FBF1: variants seen among roughly 807,000 people sequenced by gnomAD.
FBF1 encodes the protein Fas binding factor 1.
FBF1 carries 119 observed loss-of-function variants against 147.2 expected under a neutral mutation model. That is an observed-to-expected ratio of 0.81 (90% CI 0.70 to 0.94). The LOEUF (loss-of-function observed/expected upper bound fraction) is 0.94. FBF1 is among the 40% of genes least tolerant of loss of function. The pLI is 0.00. For synonymous variants in FBF1, 601 were observed against 609.0 expected (o/e 0.99, Z 0.19); for missense variants, 1,449 against 1,500.8 (o/e 0.97, Z 0.57).
intron 4 of FBF1, among the ~76,000 whole-genome samples, chr17:75,933,487 G>A (rs140457291): frequency 4.6e-5 from 7 of 152,244 alleles, no homozygotes; most frequent in Non-Finnish European, 8.8e-5. Context: ...CAGGAGAATC[G>A]CTTGAACCGG....
At chr17:75,916,895 G>C (rs1455480876) in intron 23 of FBF1, among the ~76,000 whole-genome samples, 1 of 152,226 alleles carries the variant, frequency 6.6e-6, no homozygotes, top group Non-Finnish European at 1.5e-5. Flanking sequence ...CTGTTAACCA[G>C]ACTGGTGTGC....
chr17:75,912,420 T>C (rs921936263), intron 28 of FBF1, 113 bp from the exon 29 acceptor site: 4 of 719,434 alleles, frequency 5.6e-6, no homozygotes, highest in African/African-American at 1.8e-5. Context: ...CCTGGCCATA[T>C]ACTCAGGGTG....
In FBF1 at chr17:75,926,404, A is replaced by T. The variant is rs758535596; in HGVS notation, c.618T>A (p.Pro206=). Residue 206 remains proline (P), a synonymous_variant, in exon 11 of 30, where the codon CCT becomes CCA. Transcript: ENST00000636174. The part of the protein sequence containing the change: ...RDQGPSIPLT[P]GDTPIRKKEE... Reference sequence around the variant, plus strand: ...CTTTTTTTCGGATGGGGGTGTCCCCAGGAGTTAGAGGAATAGAGGGACCTG... The same window carrying T: ...CTTTTTTTCGGATGGGGGTGTCCCCTGGAGTTAGAGGAATAGAGGGACCTG... 1.3e-6 allele frequency: 2 copies of T among 1,587,590 alleles called. No homozygotes were observed. Among genetic ancestry groups the T allele is most frequent in the Non-Finnish European group, 1.7e-6 (2 of 1,167,562 alleles).
At chr17:75,934,962 G>A (rs1314555469) in intron 4 of FBF1, among the ~76,000 whole-genome samples, 15 of 151,772 alleles carry the variant, frequency 9.9e-5, no homozygotes, top group Admixed American at 9.9e-4. Flanking sequence ...CATAGAGACA[G>A]AGAGTAAATA....
At position 75,914,268 on chromosome 17, in the gene FBF1, C is replaced by T. The variant is rs775810816; in HGVS notation, c.2845G>A (p.Glu949Lys). The T allele has an allele frequency of 1.6e-5, 26 of 1,592,416 alleles. No homozygotes were observed. Among genetic ancestry groups the T allele is most frequent in the Non-Finnish European group, 2.0e-5 (24 of 1,173,350 alleles). ...EQAELKIRAS[E>K]LRAEEKQLAA... ...AGCTGCTTCTCCTCGGCCCGGAGCTCGCTGGCCCTGATCTTCAGCTCAGCC... is the reference window on the plus strand; with the variant it reads ...AGCTGCTTCTCCTCGGCCCGGAGCTTGCTGGCCCTGATCTTCAGCTCAGCC... Residue 949 changes from glutamate (E) to lysine (K), a missense_variant, in exon 26 of 30, where the codon GAG becomes AAG. By Grantham distance (56) the Glu-to-Lys change is moderately conservative. Coordinates refer to ENST00000636174, the MANE Select transcript of FBF1 (RefSeq NM_001319193.2).
chr17:75,924,605 G>A (rs2065549097), intron 13 of FBF1, among the ~76,000 whole-genome samples: 1 of 152,118 alleles, frequency 6.6e-6, no homozygotes, highest in Non-Finnish European at 1.5e-5. Flanking sequence ...AGCCTCCCGA[G>A]TAGCTGGAAT....
chr17:75,921,342 G>T, intron 16 of FBF1, 40 bp from the exon 17 acceptor site: 1 of 1,560,940 alleles, frequency 6.4e-7, no homozygotes, highest in Non-Finnish European at 8.7e-7. Flanking sequence ...GGAGGCCCAG[G>T]GCACTGGGCC....
At position 75,925,335 on chromosome 17, in the gene FBF1, G is replaced by A. The variant is rs1345204308; in HGVS notation, c.968+12C>T. 1 of 1,608,554 alleles carries A rather than the reference G, an allele frequency of 6.2e-7. No homozygotes were observed. Among genetic ancestry groups the A allele is most frequent in the Non-Finnish European group, 8.5e-7 (1 of 1,177,006 alleles). ...GTCTCAAGAGGCCAAGCCTCCTGCA[G>A]GCCCCACTTACCTGACAGACTGCCG... is the stretch of plus-strand genomic sequence containing the variant. On this transcript the variant is annotated intron_variant, in intron 13 of 29. Transcript: ENST00000636174. This position sits in a 1 kb window ranked among gnomAD's most constrained non-coding sequence, Gnocchi z 5.0.
chr17:75,926,121 C>T lies in FBF1; in HGVS notation c.777G>A (p.Leu259=), dbSNP rs575438329. The stretch of plus-strand genomic sequence containing the variant: ...GGAGTTTGGTGGCCATGCCTCGACC[C>T]AGCAGCTCATCCAGCGTGGAGCGAG... ...RPARSTLDEL[L]GRGMATKLLA... is the part of the protein sequence containing the mutation. Residue 259 remains leucine (L), a synonymous_variant, in exon 12 of 30, where the codon CTG becomes CTA. Coordinates refer to ENST00000636174, the MANE Select transcript of FBF1 (RefSeq NM_001319193.2). 6.1e-5 allele frequency: 99 copies of T among 1,611,022 alleles called. No individual in the cohort carries two copies. Among genetic ancestry groups the T allele is most frequent in the South Asian group, 3.2e-4 (29 of 90,742 alleles).
chr17:75,937,574 C>T lies in FBF1; in HGVS notation c.23G>A (p.Gly8Glu), dbSNP rs373177765. 31 of 1,613,894 alleles carry T rather than the reference C, an allele frequency of 1.9e-5. No individual in the cohort carries two copies. In the African/African-American group the frequency reaches 3.5e-4, roughly 18 times the overall value. Reference protein sequence around the residue: MAPKTKKGCKGSIDDFLG... With the variant: MAPKTKKECKGSIDDFLG... ...TCCATCTCTCCACTCACCTTTACAT[C>T]CTTTCTTGGTTTTTGGTGCCTAAAA... The change falls in exon 3 of 30, where the codon GGA (glycine) becomes GAA (glutamate). Residue 8 changes from glycine (G) to glutamate (E), a missense_variant. Coordinates refer to ENST00000636174, the MANE Select transcript of FBF1 (RefSeq NM_001319193.2).
In FBF1 at chr17:75,926,173, G is replaced by A. The variant is rs776330444; in HGVS notation, c.735-10C>T. On this transcript the variant is annotated splice_polypyrimidine_tract_variant and intron_variant, in intron 11 of 29. Transcript: ENST00000636174. ...AGGGCGAGGCCCTTCCCTGCAGGAC[G>A]GGACACACGGCAGGAACGTGTAGGT... The A allele has an allele frequency of 3.1e-6, 5 of 1,606,348 alleles. No individual in the cohort carries two copies. Among genetic ancestry groups the A allele is most frequent in the African/African-American group, 1.3e-5 (1 of 74,856 alleles).
chr17:75,915,634 C>T (rs9891076), intron 23 of FBF1, among the ~76,000 whole-genome samples: 68,677 of 152,222 alleles, frequency 0.45, 18,844 homozygotes, highest in African/African-American at 0.78. Flanking sequence ...TCTCTATCTA[C>T]GTTGACATGG....
In FBF1 at chr17:75,923,552, C is replaced by T; in HGVS notation, c.1058G>A (p.Arg353Lys). The change falls in exon 14 of 30, where the codon AGG (arginine) becomes AAG (lysine). Residue 353 changes from arginine to lysine, a missense_variant. By Grantham distance (26) the Arg-to-Lys change is conservative. Coordinates refer to ENST00000636174, the MANE Select transcript of FBF1 (RefSeq NM_001319193.2). The surrounding 1 kb of genome is among the most constrained non-coding windows in gnomAD (Gnocchi z 4.1). ...PPMASSPIQP[R>K]KGGADWLGLK... ...GCCCAACCAGTCAGCTCCTCCCTTC[C>T]TGGGCTGGATGGGGCTGGAAGCCAT... 6.2e-7 allele frequency: 1 copy of T among 1,608,912 alleles called. No homozygotes were observed. The highest frequency in any genetic ancestry group is 1.1e-5 in the South Asian group (1 of 89,894).
At chr17:75,931,337 T>G (rs1286816576) in intron 5 of FBF1, 48 bp from the exon 6 acceptor site, 1 of 1,531,392 alleles carries the variant, frequency 6.5e-7, no homozygotes. Flanking sequence ...GGGCACTGGA[T>G]GACTCTAAAA....
In FBF1 at chr17:75,928,339, G is replaced by A. The variant is rs2065574631; in HGVS notation, c.280-146C>T. ...AGAAAACTGTTGAGAAAAACAGTGA[G>A]TGAAGAAAGAAAATGGAACTAAAGG... is the stretch of plus-strand genomic sequence containing the variant. On this transcript the variant is annotated intron_variant, in intron 7 of 29. Coordinates refer to ENST00000636174, the MANE Select transcript of FBF1 (RefSeq NM_001319193.2). This position sits in a 1 kb window ranked among gnomAD's most constrained non-coding sequence, Gnocchi z 4.2. The A allele has an allele frequency of 4.3e-6, 3 of 689,810 alleles. No individual in the cohort carries two copies. The highest frequency in any genetic ancestry group is 5.0e-6 in the Non-Finnish European group (2 of 396,576). 42.7% of individuals were successfully genotyped at this position (689,810 alleles called of 1,614,324 possible). A position where few individuals can be genotyped will look rare whatever the true frequency, so the allele number is the denominator to read the frequency against.
chr17:75,924,541 A>G (rs925089123), intron 13 of FBF1, among the ~76,000 whole-genome samples: 1 of 152,058 alleles, frequency 6.6e-6, no homozygotes, highest in African/African-American at 2.4e-5. Flanking sequence ...TGAGTGGTGC[A>G]ATCTCAGCTC....
Position 75,921,890 on chromosome 17 carries a change from G to C in FBF1, c.1526+55C>G, listed in dbSNP as rs1382387995. On this transcript the variant is annotated intron_variant, in intron 15 of 29. Coordinates refer to ENST00000636174, the MANE Select transcript of FBF1 (RefSeq NM_001319193.2). ...CTCTGTGTCCCTCTCTCAGGACAGA[G>C]GCCTGTGCTGCCCACCATGCTCTCA... The C allele has an allele frequency of 4.9e-6, 7 of 1,439,282 alleles. No individual in the cohort carries two copies. The East Asian group carries it at 1.5e-4, about 30-fold the overall frequency. The allele number at this position is 1,439,282 out of a possible 1,614,324, so 89.2% of individuals were successfully genotyped here. A position where few individuals can be genotyped will look rare whatever the true frequency, so the allele number is the denominator to read the frequency against.
rs542095560 is a variant in FBF1, at chr17:75,920,837, G to A, written c.1674+407C>T. ...CTCCCAGGGACACACTCCTGGGGGG[G>A]GGGGGGGCACACCTCCCAGGCCCAG... On this transcript the variant is annotated intron_variant, in intron 17 of 29. Transcript: ENST00000636174. 3.8e-4 allele frequency among the ~76,000 whole-genome samples: 58 copies of A among 151,972 alleles called. 1 individual carries two copies. The highest frequency in any genetic ancestry group is 1.3e-3 in the African/African-American group (56 of 41,494).
At position 75,926,109 on chromosome 17, in the gene FBF1, C is replaced by A; in HGVS notation, c.789G>T (p.Met263Ile). 6.2e-7 allele frequency: 1 copy of A among 1,611,520 alleles called. No individual in the cohort carries two copies. The highest frequency in any genetic ancestry group is 8.5e-7 in the Non-Finnish European group (1 of 1,179,364). The change falls in exon 12 of 30, where the codon ATG (methionine) becomes ATT (isoleucine). Residue 263 changes from methionine (M) to isoleucine (I), a missense_variant. By Grantham distance (10) the Met-to-Ile change is conservative (BLOSUM62 1). Transcript: ENST00000636174. ...CCGGGCGGGCCAGGAGTTTGGTGGC[C>A]ATGCCTCGACCCAGCAGCTCATCCA... ...STLDELLGRG[M>I]ATKLLARPGT... is the part of the protein sequence containing the mutation.
Sources: allele counts gnomAD v4.1 joint callset (sites outside exome capture counted in the v4.1 genomes callset), GRCh38; gene constraint gnomAD v4.1.1; non-coding constraint Gnocchi (gnomAD v3.1); transcripts MANE v1.5; gene names NCBI Gene and HGNC (gene_info 2026-07-23, HGNC 2026-07-21).